The following BBS7 variants were observed in gnomAD, a reference collection of about 807,000 sequenced individuals.
BBS7 encodes the protein BBSome complex member BBS7.
Under a neutral mutation model 90.3 loss-of-function variants are expected in BBS7, and 50 were observed. That is an observed-to-expected ratio of 0.55 (90% CI 0.44 to 0.70). The LOEUF (loss-of-function observed/expected upper bound fraction) is 0.70. Ranked by LOEUF, BBS7 falls within the 30% of genes least tolerant of loss-of-function variation. The probability of loss-of-function intolerance (pLI) is 0.00; values close to 1 mark genes in which losing one functional copy is unlikely to be tolerated. For missense variants in BBS7, 729 were observed against 838.9 expected, an observed-to-expected ratio of 0.87 and a Z score of 1.62; for synonymous variants, 235 against 287.4, an observed-to-expected ratio of 0.82 and a Z score of 1.85.
chr4:121,844,754 T>C (rs541990897), intron 11 of BBS7, among the ~76,000 whole-genome samples: 15 of 152,284 alleles, frequency 9.9e-5, no homozygotes, highest in Non-Finnish European at 1.9e-4. Flanking sequence ...AATTTCACCC[T>C]TTAGTATTCT....
chr4:121,857,014 C>A (rs1397777909), intron 5 of BBS7, among the ~76,000 whole-genome samples: 1 of 152,116 alleles, frequency 6.6e-6, no homozygotes, highest in East Asian at 1.9e-4. Flanking sequence ...GGTGATCCAT[C>A]TGCCTCAGCC....
At position 121,845,260 on chromosome 4, in the gene BBS7, C is replaced by T. The variant is rs184155119; in HGVS notation, c.1230+244G>A. Reference sequence around the variant, plus strand: ...GCACATACCTGTAGTCCCAGCTACTCGGGAGGCTGAGGCAGGAGAATCACT... The same window carrying T: ...GCACATACCTGTAGTCCCAGCTACTTGGGAGGCTGAGGCAGGAGAATCACT... On this transcript the variant is annotated intron_variant, in intron 11 of 18. Transcript: ENST00000264499. Among the ~76,000 whole-genome samples the T allele has an allele frequency of 0.011, 1,724 of 151,794 alleles. 19 individuals are homozygous for T. Among genetic ancestry groups the T allele is most frequent in the Middle Eastern group, 0.027 (8 of 294 alleles).
chr4:121,848,984 T>C (rs1173477525), intron 8 of BBS7, 56 bp from the exon 9 acceptor site: 3 of 1,336,096 alleles, frequency 2.2e-6, no homozygotes, highest in Non-Finnish European at 3.2e-6. Flanking sequence ...CACAGATATA[T>C]TAAAATAAGC....
At chr4:121,857,812 T>TTC (rs1726763018) in intron 5 of BBS7, among the ~76,000 whole-genome samples, 1 of 148,238 alleles carries the variant, frequency 6.7e-6, no homozygotes, top group Non-Finnish European at 1.5e-5. Context: ...TCTTTTCTTT[T>TTC]TTTTTTTTTT....
intron 5 of BBS7, among the ~76,000 whole-genome samples, chr4:121,857,808 C>T (rs376333395): frequency 5.5e-4 from 73 of 132,322 alleles, no homozygotes; most frequent in East Asian, 1.1e-3. Context: ...TTTTTCTTTT[C>T]TTTTTTTTTT....
chr4:121,854,311 A>G (rs984252584), intron 7 of BBS7, among the ~76,000 whole-genome samples: 13 of 152,202 alleles, frequency 8.5e-5, no homozygotes, highest in African/African-American at 3.1e-4. Context: ...CTCCTTAGAA[A>G]GGTATAAATT....
intron 18 of BBS7, 146 bp from the exon 19 acceptor site, chr4:121,826,139 A>G: frequency 1.4e-6 from 1 of 692,520 alleles, no homozygotes; most frequent in South Asian, 2.0e-5. Context: ...CCATGTTTTT[A>G]AAAATAGTCA....
chr4:121,828,546 G>T (rs948931394), intron 16 of BBS7, 41 bp from the exon 17 acceptor site: 1 of 1,557,480 alleles, frequency 6.4e-7, no homozygotes, highest in Admixed American at 1.7e-5. Context: ...AAATCACTTT[G>T]ATCAGAAACA....
chr4:121,844,777 T>C (rs1207291313), intron 11 of BBS7, among the ~76,000 whole-genome samples: 1 of 152,182 alleles, frequency 6.6e-6, no homozygotes, highest in African/African-American at 2.4e-5. Flanking sequence ...ACTTTGCCTG[T>C]TGACCTACCA....
intron 13 of BBS7, among the ~76,000 whole-genome samples, chr4:121,836,144 G>A (rs932154510): frequency 3.3e-5 from 5 of 152,098 alleles, no homozygotes; most frequent in Non-Finnish European, 7.4e-5. Context: ...ATGACTGGCC[G>A]GATATCCTGA....
intron 15 of BBS7, among the ~76,000 whole-genome samples, chr4:121,831,413 T>C (rs541201047): frequency 7.9e-5 from 12 of 151,882 alleles, no homozygotes; most frequent in African/African-American, 2.7e-4. Flanking sequence ...GGAGGATTGC[T>C]TGAAGCCAGG....
At position 121,853,115 on chromosome 4, in the gene BBS7, T is replaced by C. The variant is rs185927702; in HGVS notation, c.719-29A>G. ...TAAAAAGAGATATGTGATAAGTTAT[T>C]AAGAAGACTAATAGTTATGGTCAAG... is the stretch of plus-strand genomic sequence containing the variant. On this transcript the variant is annotated intron_variant, in intron 7 of 18. Coordinates refer to ENST00000264499, the MANE Select transcript of BBS7 (RefSeq NM_176824.3). The C allele has an allele frequency of 2.5e-6, 4 of 1,602,430 alleles. No homozygotes were observed. In the African/African-American group the frequency reaches 4.0e-5, roughly 16 times the overall value.
Position 121,828,159 on chromosome 4 carries a change from A to C in BBS7, c.2001T>G (p.Leu667=). 6.2e-7 allele frequency: 1 copy of C among 1,613,868 alleles called. No homozygotes were observed. Among genetic ancestry groups the C allele is most frequent in the Non-Finnish European group, 8.5e-7 (1 of 1,179,856 alleles). ...QEEYKKQPAH[L]ERLYGMITDL... ...TGGTCCACTAACCATAGAGTCTTTCAAGATGTGCAGGTTGCTTTTTGTATT... is the reference window on the plus strand; with the variant it reads ...TGGTCCACTAACCATAGAGTCTTTCCAGATGTGCAGGTTGCTTTTTGTATT... Residue 667 remains leucine, a synonymous_variant, in exon 18 of 19, where the codon CTT becomes CTG. Transcript: ENST00000264499.
At position 121,828,210 on chromosome 4, in the gene BBS7, T is replaced by C. The variant is rs1578521838; in HGVS notation, c.1950A>G (p.Leu650=). 1.2e-6 allele frequency: 2 copies of C among 1,613,826 alleles called. No individual in the cohort carries two copies. Among genetic ancestry groups the C allele is most frequent in the East Asian group, 4.5e-5 (2 of 44,822 alleles). Residue 650 remains leucine, a synonymous_variant, in exon 18 of 19, where the codon CTA becomes CTG. Transcript: ENST00000264499. ...CTTCCTGTAGGTGATCTGCCTCTTC[T>C]AGAATACAGTGATATTCTGGTATCA... is the stretch of plus-strand genomic sequence containing the variant. ...NFLIPEYHCI[L]EEADHLQEEY...
chr4:121,840,180 A>T (rs986302371), intron 12 of BBS7, among the ~76,000 whole-genome samples: 1 of 152,154 alleles, frequency 6.6e-6, no homozygotes, highest in Non-Finnish European at 1.5e-5. Flanking sequence ...TACTGCTCTC[A>T]TGGTAGTGAA....
chr4:121,843,863 CTT>C, intron 12 of BBS7, 62 bp downstream of exon 12: 1 of 1,095,882 alleles, frequency 9.1e-7, no homozygotes, highest in Non-Finnish European at 1.4e-6. Context: ...CATCTATAGA[CTT>C]TAATCAAAAT....
At chr4:121,844,063 A>G (rs1450529929) in intron 11 of BBS7, 62 bp from the exon 12 acceptor site, 4 of 1,056,560 alleles carry the variant, frequency 3.8e-6, no homozygotes, top group Non-Finnish European at 5.7e-6. Context: ...TTCATAAATT[A>G]TGTTTTCTCT....
In BBS7 at chr4:121,854,702, A is replaced by ACCT; in HGVS notation, c.717_718+1dup. The ACCT allele has an allele frequency of 6.2e-7, 1 of 1,610,620 alleles. No homozygotes were observed. Among genetic ancestry groups the ACCT allele is most frequent in the Non-Finnish European group, 8.5e-7 (1 of 1,177,968 alleles). On this transcript the variant is annotated splice_donor_variant, in intron 7 of 18. Coordinates refer to ENST00000264499, the MANE Select transcript of BBS7 (RefSeq NM_176824.3). LOFTEE classifies it high-confidence loss of function. ...AGAATCTGAACTACATGAAAAGCAT[A>ACCT]CCTCCTCTCTTTTTCTCATTTTGAA... is the stretch of plus-strand genomic sequence containing the variant.
intron 12 of BBS7, 45 bp from the exon 13 acceptor site, chr4:121,839,741 T>C (rs780158914): frequency 2.6e-6 from 4 of 1,526,094 alleles, no homozygotes; most frequent in Middle Eastern, 1.7e-4. Flanking sequence ...TCCATGTTTT[T>C]AGCAACAAAA....
Sources: allele counts gnomAD v4.1 joint callset (sites outside exome capture counted in the v4.1 genomes callset), GRCh38; gene constraint gnomAD v4.1.1; transcripts MANE v1.5; gene names NCBI Gene and HGNC (gene_info 2026-07-23, HGNC 2026-07-21).